Variants in DDX31 observed in about 807,000 individuals in gnomAD.
DDX31 encodes the protein DEAD-box helicase 31.
A neutral mutation model predicts 91.3 loss-of-function variants in DDX31; 70 were observed. The observed-to-expected ratio is 0.77, with a 90% confidence interval of 0.63 to 0.94. The LOEUF (loss-of-function observed/expected upper bound fraction) is 0.94. Ranked by LOEUF, DDX31 falls within the 40% of genes least tolerant of loss-of-function variation. The pLI is 0.00. For synonymous variants in DDX31, 362 were observed against 350.6 expected, an observed-to-expected ratio of 1.03 and a Z score of -0.36; for missense variants, 902 against 925.0, an observed-to-expected ratio of 0.98 and a Z score of 0.32.
Position 132,594,835 on chromosome 9 carries a change from T to G in DDX31, c.*31A>C. 1 of 1,605,946 alleles carries G rather than the reference T, an allele frequency of 6.2e-7. No homozygotes were observed. The highest frequency in any genetic ancestry group is 8.5e-7 in the Non-Finnish European group (1 of 1,175,110). Reference sequence around the variant, plus strand: ...CATCAATCCACTGCCACCCGGGGCTTCCAGGTTCCACTCGAAGACCCAGAG... The same window carrying G: ...CATCAATCCACTGCCACCCGGGGCTGCCAGGTTCCACTCGAAGACCCAGAG... On this transcript the variant is annotated 3_prime_UTR_variant, in exon 20 of 20. Transcript: ENST00000372159.
rs548013680 is a variant in DDX31, at chr9:132,636,536, G to A, written c.1441-4445C>T. On this transcript the variant is annotated intron_variant, in intron 14 of 19. Coordinates refer to ENST00000372159, the MANE Select transcript of DDX31 (RefSeq NM_022779.9). ...TAAAGACTCTAAAATAACATGTGACGTTCATGAAACTCACTGTGAGTCCAA... is the reference window on the plus strand; with the variant it reads ...TAAAGACTCTAAAATAACATGTGACATTCATGAAACTCACTGTGAGTCCAA... 5.5e-4 allele frequency among the ~76,000 whole-genome samples: 84 copies of A among 152,280 alleles called. No individual in the cohort carries two copies. The South Asian group carries it at 0.016, about 30-fold the overall frequency.
intron 6 of DDX31, chr9:132,658,346 A>T (rs1034826710): frequency 1.0e-5 from 7 of 703,358 alleles, no homozygotes; most frequent in Non-Finnish European, 1.8e-5. Flanking sequence ...TAAAATGTGG[A>T]TAACAGTAAT....
At chr9:132,638,141 C>A in intron 14 of DDX31, 2 of 1,383,990 alleles carry the variant, frequency 1.4e-6, no homozygotes. Context: ...CCAGGGCGGG[C>A]TGCAGGTATC....
chr9:132,633,964 G>A (rs950350765), intron 14 of DDX31, among the ~76,000 whole-genome samples: 4 of 152,132 alleles, frequency 2.6e-5, no homozygotes, highest in Non-Finnish European at 4.4e-5. Context: ...GTTGAACACC[G>A]TGAGGACACA....
chr9:132,642,298 G>A (rs908419476), intron 13 of DDX31, among the ~76,000 whole-genome samples: 2 of 152,090 alleles, frequency 1.3e-5, no homozygotes, highest in African/African-American at 4.8e-5. Context: ...GTGCATTTTT[G>A]TGAGACACTA....
chr9:132,621,961 A>G (rs1312740889), intron 17 of DDX31, among the ~76,000 whole-genome samples: 1 of 151,068 alleles, frequency 6.6e-6, no homozygotes, highest in African/African-American at 2.4e-5. Context: ...AACCAGTTAT[A>G]TCATGAAAGC....
Position 132,625,631 on chromosome 9 carries a change from T to A in DDX31, c.1713+33A>T, listed in dbSNP as rs1385724747. 1.9e-6 allele frequency: 3 copies of A among 1,556,344 alleles called. No individual in the cohort carries two copies. In the African/African-American group the frequency reaches 4.1e-5, roughly 21 times the overall value. On this transcript the variant is annotated intron_variant, in intron 17 of 19. Coordinates refer to ENST00000372159, the MANE Select transcript of DDX31 (RefSeq NM_022779.9). ...CCCCAAATCAAGTGAGTCACATCTG[T>A]TGGCAGCGAGCACAATAAATAACAA...
chr9:132,614,591 G>A (rs554858732), intron 18 of DDX31, among the ~76,000 whole-genome samples: 1 of 152,276 alleles, frequency 6.6e-6, no homozygotes, highest in South Asian at 2.1e-4. Context: ...TCCCGCTCTA[G>A]GTCTCTTCAT....
intron 19 of DDX31, 118 bp downstream of exon 19, chr9:132,611,969 T>G: frequency 7.4e-7 from 1 of 1,358,390 alleles, no homozygotes; most frequent in East Asian, 2.3e-5. Context: ...TGCTTGTTTA[T>G]TGGGAGAAGG....
At chr9:132,632,595 G>A (rs1180439096) in intron 14 of DDX31, among the ~76,000 whole-genome samples, 1 of 151,966 alleles carries the variant, frequency 6.6e-6, no homozygotes, top group Admixed American at 6.6e-5. Flanking sequence ...CGCCTAACAA[G>A]CTGGCCTTGA....
In DDX31 at chr9:132,651,088, T is replaced by A. The variant is rs368332371; in HGVS notation, c.662A>T (p.Gln221Leu). 1.2e-6 allele frequency: 2 copies of A among 1,612,804 alleles called. No homozygotes were observed. The highest frequency in any genetic ancestry group is 1.7e-5 in the Admixed American group (1 of 59,796). The change falls in exon 8 of 20, where the codon CAG becomes CTG. Residue 221 changes from glutamine (Q) to leucine (L), a missense_variant. Physicochemically the swap from Gln to Leu is moderately radical, Grantham distance 113. Transcript: ENST00000372159. ...ELALQSFDTVQKLLKPFTWIV... is the reference protein window; with the variant it reads ...ELALQSFDTVLKLLKPFTWIV... ...GGTTTGCCTTACCTTAAGCAGTTTC[T>A]GGACAGTGTCAAAGCTTTGTAGAGC...
chr9:132,666,142 A>G (rs1382444985), intron 1 of DDX31, among the ~76,000 whole-genome samples: 2 of 152,140 alleles, frequency 1.3e-5, no homozygotes, highest in African/African-American at 4.8e-5. Context: ...CACACAACCA[A>G]TTGTTCCAGT....
intron 1 of DDX31, among the ~76,000 whole-genome samples, chr9:132,664,932 A>C (rs1333385042): frequency 6.6e-6 from 1 of 152,014 alleles, no homozygotes; most frequent in Non-Finnish European, 1.5e-5. Context: ...CTCATCCTTC[A>C]GATGGAGGCT....
At chr9:132,663,171 A>T in intron 1 of DDX31, 1 of 1,289,002 alleles carries the variant, frequency 7.8e-7, no homozygotes, top group Non-Finnish European at 1.0e-6. Context: ...GAGAGGGGCG[A>T]GGGGGAATGC....
At chr9:132,625,823 TA>T (rs1414341966) in intron 16 of DDX31, 78 bp from the exon 17 acceptor site, 3 of 1,051,068 alleles carry the variant, frequency 2.9e-6, no homozygotes, top group Admixed American at 2.0e-5. Context: ...AAAACTGGCC[TA>T]TTCTTGAGCT....
intron 6 of DDX31, among the ~76,000 whole-genome samples, chr9:132,657,297 T>A (rs1205621350): frequency 6.6e-6 from 1 of 152,166 alleles, no homozygotes; most frequent in African/African-American, 2.4e-5. Flanking sequence ...AAATTTTGCA[T>A]AAAAAAATAC....
chr9:132,595,077 C>T lies in DDX31; in HGVS notation c.2030G>A (p.Ser677Asn). Reference sequence around the variant, plus strand: ...TTCCGAACGTAGGATTTCAGCGAGGCTGTGTTTACTCTGGGTCTTCTTATG... The same window carrying T: ...TTCCGAACGTAGGATTTCAGCGAGGTTGTGTTTACTCTGGGTCTTCTTATG... ...DLHKKTQSKH[S>N]LAEILRSEYS... The change falls in exon 20 of 20, where the codon AGC becomes AAC. Residue 677 changes from serine to asparagine, a missense_variant. Transcript: ENST00000372159. The surrounding 1 kb of genome is among the most constrained non-coding windows in gnomAD (Gnocchi z 4.6). 1.2e-6 allele frequency: 2 copies of T among 1,614,216 alleles called. No individual in the cohort carries two copies. Among genetic ancestry groups the T allele is most frequent in the South Asian group, 1.1e-5 (1 of 91,088 alleles).
intron 13 of DDX31, among the ~76,000 whole-genome samples, chr9:132,644,588 T>C (rs1406091429): frequency 6.6e-6 from 1 of 152,212 alleles, no homozygotes; most frequent in Non-Finnish European, 1.5e-5. Context: ...GAACAGCCTC[T>C]GTATAATGAA....
At chr9:132,649,521 G>A (rs1045175014) in intron 9 of DDX31, among the ~76,000 whole-genome samples, 5 of 152,162 alleles carry the variant, frequency 3.3e-5, no homozygotes, top group African/African-American at 1.2e-4. Flanking sequence ...GGCCAGCCTT[G>A]GACTGGCTCT....
Sources: gnomAD v4.1 joint callset for allele counts (sites outside exome capture counted in the v4.1 genomes callset) on GRCh38, gnomAD v4.1.1 for gene constraint, Gnocchi (gnomAD v3.1) non-coding constraint, MANE v1.5 for transcripts, NCBI Gene and HGNC (gene_info 2026-07-23, HGNC 2026-07-21) for gene names.